The following ZNF385D variants were observed in gnomAD, a reference collection of about 807,000 sequenced individuals.
ZNF385D encodes zinc finger protein 659.
ZNF385D carries 15 observed loss-of-function variants against 35.8 expected under a neutral mutation model. The observed-to-expected ratio is 0.42, with a 90% confidence interval of 0.28 to 0.64. The LOEUF is 0.64. Ranked by LOEUF, ZNF385D falls within the 30% of genes least tolerant of loss-of-function variation. The probability of loss-of-function intolerance (pLI) is 0.23; values close to 1 mark genes in which losing one functional copy is unlikely to be tolerated. For missense variants in ZNF385D, 474 were observed against 494.6 expected, an observed-to-expected ratio of 0.96 and a Z score of 0.39; for synonymous variants, 212 against 186.8, an observed-to-expected ratio of 1.13 and a Z score of -1.10.
chr3:22,235,486 G>T (rs1386765938), intron 2 of ZNF385D, among the ~76,000 whole-genome samples: 1 of 152,022 alleles, frequency 6.6e-6, no homozygotes, highest in Non-Finnish European at 1.5e-5. Flanking sequence ...TCTTCAGTGT[G>T]TCCAAAATAC....
chr3:21,483,418 G>T (rs1704784903), intron 4 of ZNF385D, among the ~76,000 whole-genome samples: 1 of 152,092 alleles, frequency 6.6e-6, no homozygotes, highest in South Asian at 2.1e-4. Flanking sequence ...CTGTATGTGA[G>T]GATTAACAGA....
intron 3 of ZNF385D, among the ~76,000 whole-genome samples, chr3:21,788,294 T>C (rs2071786107): frequency 6.6e-6 from 1 of 152,122 alleles, no homozygotes; most frequent in African/African-American, 2.4e-5. Flanking sequence ...GCCTGGCCAA[T>C]GCGGGGAAAC....
chr3:21,819,987 T>A (rs1434134041), intron 3 of ZNF385D, among the ~76,000 whole-genome samples: 1 of 150,548 alleles, frequency 6.6e-6, no homozygotes, highest in Non-Finnish European at 1.5e-5. Context: ...CAGGGAGAAA[T>A]CAATGAATCA....
intron 2 of ZNF385D, among the ~76,000 whole-genome samples, chr3:22,183,661 T>C (rs975286737): frequency 2.0e-5 from 3 of 152,214 alleles, no homozygotes; most frequent in Admixed American, 6.6e-5. Flanking sequence ...GAAAGTTACT[T>C]ATAAAAGTAT....
At chr3:21,623,144 T>C (rs1338220230) in intron 2 of ZNF385D, among the ~76,000 whole-genome samples, 1 of 152,076 alleles carries the variant, frequency 6.6e-6, no homozygotes, top group Non-Finnish European at 1.5e-5. Flanking sequence ...CTCATCTGTA[T>C]GTAAAGAATA....
At chr3:21,995,417 T>C (rs1297080134) in intron 3 of ZNF385D, among the ~76,000 whole-genome samples, 1 of 152,022 alleles carries the variant, frequency 6.6e-6, no homozygotes, top group Non-Finnish European at 1.5e-5. Flanking sequence ...GTGAGGCTAG[T>C]TTATCCCCAG....
intron 3 of ZNF385D, among the ~76,000 whole-genome samples, chr3:22,000,078 G>T (rs2125412698): frequency 6.6e-6 from 1 of 152,144 alleles, no homozygotes; most frequent in East Asian, 1.9e-4. Context: ...GGCCGAGGCG[G>T]GCAGATCATG....
intron 2 of ZNF385D, among the ~76,000 whole-genome samples, chr3:22,344,422 C>T (rs140748739): frequency 1.6e-3 from 244 of 152,144 alleles, no homozygotes; most frequent in Non-Finnish European, 3.0e-3. Context: ...GGTCTCCTCG[C>T]TCTGTCACCC....
At chr3:22,274,767 T>A (rs1701342606) in intron 2 of ZNF385D, among the ~76,000 whole-genome samples, 1 of 149,458 alleles carries the variant, frequency 6.7e-6, no homozygotes, top group South Asian at 2.1e-4. Context: ...GCGGCTTGGA[T>A]TCCAACGAAG....
At chr3:22,139,707 T>G (rs1704378121) in intron 3 of ZNF385D, among the ~76,000 whole-genome samples, 1 of 152,054 alleles carries the variant, frequency 6.6e-6, no homozygotes, top group South Asian at 2.1e-4. Context: ...ATGGCACATG[T>G]ATACATATGT....
intron 3 of ZNF385D, among the ~76,000 whole-genome samples, chr3:21,950,798 T>C (rs1702027876): frequency 6.6e-6 from 1 of 151,762 alleles, no homozygotes; most frequent in East Asian, 1.9e-4. Context: ...ACTTATTAAA[T>C]AAGGAATCAT....
chr3:21,456,349 A>G lies in ZNF385D; in HGVS notation c.440-19146T>C, dbSNP rs569045971. ...TTGGAACTAACCCAAACGTCCAACA[A>G]TGATAGACTGGGTTAAGAAAACGTG... On this transcript the variant is annotated intron_variant, in intron 4 of 7. Coordinates refer to ENST00000281523, the MANE Select transcript of ZNF385D (RefSeq NM_024697.3). Among the ~76,000 whole-genome samples, 20 of 152,330 alleles carry G rather than the reference A, an allele frequency of 1.3e-4. No individual in the cohort carries two copies. The South Asian group carries it at 3.7e-3, about 28-fold the overall frequency.
At chr3:22,346,812 G>A (rs1695678228) in intron 2 of ZNF385D, among the ~76,000 whole-genome samples, 1 of 152,114 alleles carries the variant, frequency 6.6e-6, no homozygotes, top group African/African-American at 2.4e-5. Flanking sequence ...TGTGTCGATG[G>A]TAAATGCAAA....
chr3:21,875,352 C>A (rs1275477750), intron 3 of ZNF385D, among the ~76,000 whole-genome samples: 1 of 151,866 alleles, frequency 6.6e-6, no homozygotes, highest in East Asian at 1.9e-4. Flanking sequence ...TAGATCATAG[C>A]CTCCATCAGT....
intron 3 of ZNF385D, among the ~76,000 whole-genome samples, chr3:22,083,783 G>T (rs923783654): frequency 1.3e-5 from 2 of 152,160 alleles, no homozygotes; most frequent in African/African-American, 4.8e-5. Flanking sequence ...ATAATTGTCA[G>T]ATTCACCAGG....
chr3:22,149,226 C>T (rs926266607), intron 3 of ZNF385D, among the ~76,000 whole-genome samples: 2 of 152,082 alleles, frequency 1.3e-5, no homozygotes, highest in African/African-American at 4.8e-5. Context: ...TGTTACATTT[C>T]CTAAAAGTCT....
chr3:22,347,277 A>G (rs146671924), intron 2 of ZNF385D, among the ~76,000 whole-genome samples: 3 of 152,316 alleles, frequency 2.0e-5, no homozygotes, highest in African/African-American at 4.8e-5. Flanking sequence ...ACAAAATTCA[A>G]TTTATAAGAA....
At chr3:21,468,048 A>C (rs73044468) in intron 4 of ZNF385D, among the ~76,000 whole-genome samples, 31,786 of 152,134 alleles carry the variant, frequency 0.21, 3,429 homozygotes, top group East Asian at 0.26. Context: ...ATATACTCCT[A>C]AACTAGAACA....
At chr3:22,297,582 T>G (rs1702658826) in intron 2 of ZNF385D, among the ~76,000 whole-genome samples, 1 of 152,092 alleles carries the variant, frequency 6.6e-6, no homozygotes. Flanking sequence ...CCCACTCATC[T>G]AGGCAATATG....
Sources: gnomAD v4.1 joint callset for allele counts (sites outside exome capture counted in the v4.1 genomes callset) on GRCh38, gnomAD v4.1.1 for gene constraint, MANE v1.5 for transcripts, NCBI Gene and HGNC (gene_info 2026-07-23, HGNC 2026-07-21) for gene names.